RPS19: variants seen among roughly 807,000 people sequenced by gnomAD.
The protein encoded by RPS19 is ribosomal protein S19.
A neutral mutation model predicts 20.3 loss-of-function variants in RPS19; 1 was observed. The ratio of observed to expected loss-of-function variants is 0.05; its 90% CI spans 0.02 to 0.23. RPS19 has a LOEUF of 0.23. Among genes scored for constraint, RPS19 ranks in the 10% least tolerant of loss-of-function variants. RPS19 has a pLI of 1.00. For missense variants in RPS19, 111 were observed against 192.7 expected (o/e 0.58, Z 2.51); for synonymous variants, 87 against 74.8 (o/e 1.16, Z -0.84).
intron 3 of RPS19, among the ~76,000 whole-genome samples, chr19:41,866,252 C>CA (rs113269472): frequency 0.023 from 3,453 of 148,038 alleles, 141 homozygotes; most frequent in African/African-American, 0.079. Flanking sequence ...GACTCCGTCT[C>CA]AAAAAAAAAA....
At position 41,861,141 on chromosome 19, in the gene RPS19, T is replaced by G; in HGVS notation, c.101T>G (p.Val34Gly). The stretch of plus-strand genomic sequence containing the variant: ...GGGAAGCTGAAAGTCCCCGAATGGG[T>G]GGATACCGTCAAGCTGGCCAAGCAC... ...KSGKLKVPEWVDTVKLAKHKE... is the reference protein window; with the variant it reads ...KSGKLKVPEWGDTVKLAKHKE... The change falls in exon 3 of 6, where the codon GTG (valine) becomes GGG (glycine). Residue 34 changes from valine (V) to glycine (G), a missense_variant. Coordinates refer to ENST00000598742, the MANE Select transcript of RPS19 (RefSeq NM_001022.4). 6.2e-7 allele frequency: 1 copy of G among 1,614,088 alleles called. No individual in the cohort carries two copies. Among genetic ancestry groups the G allele is most frequent in the Non-Finnish European group, 8.5e-7 (1 of 1,180,018 alleles).
intron 1 of RPS19, 21 bp from the exon 2 acceptor site, chr19:41,860,754 A>T: frequency 1.3e-6 from 2 of 1,599,998 alleles, no homozygotes; most frequent in Non-Finnish European, 1.7e-6. Flanking sequence ...CTGTGTTCAC[A>T]TGCTTGACTT....
At position 41,871,708 on chromosome 19, in the gene RPS19, C is replaced by G. The variant is rs975906744; in HGVS notation, c.*331C>G. On this transcript the variant is annotated 3_prime_UTR_variant, in exon 6 of 6. Coordinates refer to ENST00000598742, the MANE Select transcript of RPS19 (RefSeq NM_001022.4). ...GGCAGCCAGTCGGGCCTTCCCAGGT[C>G]AAACAGTTCCCATCTGGGTTTGGAG... 3 of 363,592 alleles carry G rather than the reference C, an allele frequency of 8.3e-6. No individual in the cohort carries two copies. The highest frequency in any genetic ancestry group is 1.0e-5 in the Non-Finnish European group (2 of 192,920). The allele number at this position is 363,592 out of a possible 1,614,324, so 22.5% of individuals were successfully genotyped here. A position where few individuals can be genotyped will look rare whatever the true frequency, so the allele number is the denominator to read the frequency against.
chr19:41,869,258 G>T, intron 4 of RPS19, 44 bp downstream of exon 4: 1 of 1,553,498 alleles, frequency 6.4e-7, no homozygotes, highest in South Asian at 1.1e-5. Context: ...TAGCCTTGAG[G>T]CCCGGTCATC....
Position 41,869,501 on chromosome 19 carries a change from C to A in RPS19, c.357-198C>A, listed in dbSNP as rs945539961. Reference sequence around the variant, plus strand: ...GGGGCTTTTGATCTAAATGCTTGCACAAACAACACCCCGTCAGCTCCCAGG... The same window carrying A: ...GGGGCTTTTGATCTAAATGCTTGCAAAAACAACACCCCGTCAGCTCCCAGG... On this transcript the variant is annotated intron_variant, in intron 4 of 5. Transcript: ENST00000598742. The A allele has an allele frequency of 9.6e-6, 6 of 623,936 alleles. No homozygotes were observed. The South Asian group carries it at 1.2e-4, about 12-fold the overall frequency. 38.6% of individuals were successfully genotyped at this position (623,936 alleles called of 1,614,324 possible).
At position 41,871,485 on chromosome 19, in the gene RPS19, C is replaced by T. The variant is rs1199070346; in HGVS notation, c.*108C>T. The T allele has an allele frequency of 5.5e-6, 5 of 911,124 alleles. No homozygotes were observed. The East Asian group carries it at 1.0e-4, about 18-fold the overall frequency. 56.4% of individuals were successfully genotyped at this position (911,124 alleles called of 1,614,324 possible). On this transcript the variant is annotated 3_prime_UTR_variant, in exon 6 of 6. Transcript: ENST00000598742. ...AGGCTGGAGTGCAGTGGCGCCATCTCAGCTCACTGCAATCTCCGCCTTCTG... is the reference window on the plus strand; with the variant it reads ...AGGCTGGAGTGCAGTGGCGCCATCTTAGCTCACTGCAATCTCCGCCTTCTG...
chr19:41,861,502 C>T (rs904747698), intron 3 of RPS19: 68 of 429,894 alleles, frequency 1.6e-4, no homozygotes, highest in Non-Finnish European at 1.3e-4. Flanking sequence ...TTTCTATATA[C>T]ACGGAGGCAG....
chr19:41,867,522 G>A (rs2074102941), intron 3 of RPS19, among the ~76,000 whole-genome samples: 1 of 152,158 alleles, frequency 6.6e-6, no homozygotes, highest in Admixed American at 6.6e-5. Flanking sequence ...ATGTTGGCCA[G>A]GCTGGTCTCA....
chr19:41,869,641 G>T, intron 4 of RPS19, 58 bp from the exon 5 acceptor site: 12 of 1,579,260 alleles, frequency 7.6e-6, no homozygotes, highest in Non-Finnish European at 1.0e-5. Flanking sequence ...CAGGAGGGAA[G>T]GGGCTGAGAA....
intron 4 of RPS19, among the ~76,000 whole-genome samples, chr19:41,869,456 CTTT>C (rs1274557127): frequency 6.6e-6 from 1 of 152,240 alleles, no homozygotes; most frequent in African/African-American, 2.4e-5. Flanking sequence ...TGCTCGTTAA[CTTT>C]TCCCAATTGA....
At chr19:41,862,141 G>A (rs1169674905) in intron 3 of RPS19, among the ~76,000 whole-genome samples, 2 of 152,170 alleles carry the variant, frequency 1.3e-5, no homozygotes, top group Admixed American at 6.5e-5. Context: ...TGGGAAGCAG[G>A]GTTTGGAAAT....
chr19:41,869,182 G>A lies in RPS19; in HGVS notation c.324G>A (p.Glu108=), dbSNP rs782419824. The change falls in exon 4 of 6, where the codon GAG becomes GAA. Residue 108 remains glutamate, a synonymous_variant. Coordinates refer to ENST00000598742, the MANE Select transcript of RPS19 (RefSeq NM_001022.4). ...CCCGCCGGGTCCTCCAAGCCCTGGA[G>A]GGGCTGAAAATGGTGGAAAAGGACC... ...SVARRVLQAL[E]GLKMVEKDQD... is the part of the protein sequence containing the mutation. 1.9e-6 allele frequency: 3 copies of A among 1,613,962 alleles called. No homozygotes were observed. Among genetic ancestry groups the A allele is most frequent in the Admixed American group, 3.3e-5 (2 of 60,016 alleles).
chr19:41,871,301 C>A (rs991504374), intron 5 of RPS19, 50 bp from the exon 6 acceptor site: 2 of 1,592,374 alleles, frequency 1.3e-6, no homozygotes, highest in Non-Finnish European at 1.7e-6. Flanking sequence ...ACAAAGTGCC[C>A]CAGCAGAGAC....
intron 3 of RPS19, chr19:41,863,753 A>G: frequency 6.6e-6 from 1 of 151,730 alleles, no homozygotes; most frequent in Non-Finnish European, 1.5e-5. Flanking sequence ...TAGAGGAAGA[A>G]CCCGCAAAGA....
intron 3 of RPS19, among the ~76,000 whole-genome samples, chr19:41,866,220 T>A (rs2074088364): frequency 6.6e-6 from 1 of 151,982 alleles, no homozygotes; most frequent in Non-Finnish European, 1.5e-5. Context: ...ACCACTGCAC[T>A]CCAACCTAGG....
In RPS19 at chr19:41,860,780, T is replaced by G. The variant is rs782512026; in HGVS notation, c.6T>G (p.Pro2=). The G allele has an allele frequency of 3.3e-5, 53 of 1,613,456 alleles. No individual in the cohort carries two copies. Among genetic ancestry groups the G allele is most frequent in the Non-Finnish European group, 4.3e-5 (51 of 1,179,346 alleles). Residue 2 remains proline (P), a synonymous_variant, in exon 2 of 6, where the codon CCT becomes CCG. Coordinates refer to ENST00000598742, the MANE Select transcript of RPS19 (RefSeq NM_001022.4). The part of the protein sequence containing the change: M[P]GVTVKDVNQQ... ...TGCTTGACTTTCTCCCTCAGATGCC[T>G]GGAGTTACTGTAAAAGACGTGAACC...
chr19:41,870,679 G>A (rs1406868642), intron 5 of RPS19, among the ~76,000 whole-genome samples: 2 of 151,960 alleles, frequency 1.3e-5, no homozygotes, highest in African/African-American at 4.8e-5. Context: ...TCAGTCAAGT[G>A]TCACAAAAGA....
intron 3 of RPS19, among the ~76,000 whole-genome samples, chr19:41,861,860 G>A (rs2074035473): frequency 6.6e-6 from 1 of 152,212 alleles, no homozygotes; most frequent in African/African-American, 2.4e-5. Flanking sequence ...CCTCGTGCCA[G>A]CCCCGTCTCT....
Position 41,872,346 on chromosome 19 carries a change from C to G in RPS19, c.*969C>G, listed in dbSNP as rs2074158309. 1 of 152,278 alleles carries G rather than the reference C, an allele frequency of 6.6e-6. No individual in the cohort carries two copies. Among genetic ancestry groups the G allele is most frequent in the Admixed American group, 6.5e-5 (1 of 15,288 alleles). The allele number at this position is 152,278 out of a possible 1,614,324, so 9.4% of individuals were successfully genotyped here. A position where few individuals can be genotyped will look rare whatever the true frequency, so the allele number is the denominator to read the frequency against. Reference sequence around the variant, plus strand: ...CAATATCTCCCAGGATTCCCCTGTCCAAATTATTCCTGGGATCTGACCCAT... The same window carrying G: ...CAATATCTCCCAGGATTCCCCTGTCGAAATTATTCCTGGGATCTGACCCAT... On this transcript the variant is annotated 3_prime_UTR_variant, in exon 6 of 6. Coordinates refer to ENST00000598742, the MANE Select transcript of RPS19 (RefSeq NM_001022.4).
Sources: allele counts gnomAD v4.1 joint callset (sites outside exome capture counted in the v4.1 genomes callset), GRCh38; gene constraint gnomAD v4.1.1; transcripts MANE v1.5; gene names NCBI Gene and HGNC (gene_info 2026-07-23, HGNC 2026-07-21).